Variants in HS6ST3 observed in about 807,000 individuals in gnomAD.
HS6ST3 encodes the protein heparan sulfate 6-O-sulfotransferase 3.
In HS6ST3, 12 loss-of-function variants were observed where a neutral mutation model predicts 36.7. The ratio of observed to expected loss-of-function variants is 0.33; its 90% CI spans 0.21 to 0.53. The LOEUF is 0.53. Among genes scored for constraint, HS6ST3 ranks in the 20% least tolerant of loss-of-function variants. The pLI, the probability that HS6ST3 is intolerant of heterozygous loss-of-function variation, is 0.95. For missense variants in HS6ST3, 584 were observed against 640.9 expected (o/e 0.91, Z 0.96); for synonymous variants, 240 against 257.5 (o/e 0.93, Z 0.65).
At chr13:96,523,570 A>G (rs1373032628) in intron 1 of HS6ST3, among the ~76,000 whole-genome samples, 1 of 145,176 alleles carries the variant, frequency 6.9e-6, no homozygotes, top group Admixed American at 6.8e-5. Flanking sequence ...ATTTCCTTTC[A>G]CTCTTTTTTT....
At chr13:96,263,545 C>T (rs748231329) in intron 1 of HS6ST3, among the ~76,000 whole-genome samples, 1 of 152,128 alleles carries the variant, frequency 6.6e-6, no homozygotes, top group Non-Finnish European at 1.5e-5. Context: ...ACCTTTCTGG[C>T]CCTAGCTTTC....
At chr13:96,515,540 C>T (rs779721693) in intron 1 of HS6ST3, among the ~76,000 whole-genome samples, 8 of 152,224 alleles carry the variant, frequency 5.3e-5, no homozygotes, top group Non-Finnish European at 1.0e-4. Flanking sequence ...CATCTTTCTC[C>T]TTTCATCTTA....
intron 1 of HS6ST3, among the ~76,000 whole-genome samples, chr13:96,764,711 T>A (rs1443823324): frequency 6.6e-6 from 1 of 152,184 alleles, no homozygotes; most frequent in Non-Finnish European, 1.5e-5. Context: ...GAGAATGACA[T>A]ATCTGTTCCC....
At chr13:96,553,901 A>G (rs72642759) in intron 1 of HS6ST3, among the ~76,000 whole-genome samples, 4,719 of 152,342 alleles carry the variant, frequency 0.031, 99 homozygotes, top group Non-Finnish European at 0.049. Context: ...GAGAGAAAAG[A>G]ACCAAAGATG....
chr13:96,616,713 A>C (rs1043779009), intron 1 of HS6ST3, among the ~76,000 whole-genome samples: 1 of 152,216 alleles, frequency 6.6e-6, no homozygotes, highest in African/African-American at 2.4e-5. Context: ...ATTATTTTAT[A>C]TCTCTGAGGT....
chr13:96,206,600 C>G (rs2054371616), intron 1 of HS6ST3, among the ~76,000 whole-genome samples: 2 of 152,100 alleles, frequency 1.3e-5, no homozygotes, highest in African/African-American at 4.8e-5. Context: ...GGTGCTGGTA[C>G]AAGAACAGAC....
At chr13:96,681,442 G>A (rs1156331224) in intron 1 of HS6ST3, among the ~76,000 whole-genome samples, 2 of 151,888 alleles carry the variant, frequency 1.3e-5, no homozygotes, top group Non-Finnish European at 2.9e-5. Context: ...CTACCCTCCT[G>A]CTACTGGACT....
chr13:96,249,710 G>C (rs1174907410), intron 1 of HS6ST3, among the ~76,000 whole-genome samples: 3 of 152,006 alleles, frequency 2.0e-5, no homozygotes, highest in Non-Finnish European at 2.9e-5. Flanking sequence ...GTTGCAAAGA[G>C]GTAGAAATAA....
chr13:96,430,963 T>A (rs1287629722), intron 1 of HS6ST3, among the ~76,000 whole-genome samples: 2 of 152,022 alleles, frequency 1.3e-5, no homozygotes, highest in African/African-American at 4.8e-5. Context: ...TAGGCCCAGG[T>A]ACCCTGGGGC....
chr13:96,309,610 G>C (rs567349843), intron 1 of HS6ST3, among the ~76,000 whole-genome samples: 1 of 152,242 alleles, frequency 6.6e-6, no homozygotes, highest in East Asian at 1.9e-4. Context: ...TCCAGAGAGA[G>C]AGAATCAAAG....
chr13:96,111,882 A>G (rs998757713), intron 1 of HS6ST3, among the ~76,000 whole-genome samples: 1 of 152,210 alleles, frequency 6.6e-6, no homozygotes, highest in Non-Finnish European at 1.5e-5. Flanking sequence ...TGTTTTCTGA[A>G]TGGAAGAAAC....
intron 1 of HS6ST3, among the ~76,000 whole-genome samples, chr13:96,112,578 AATATATATATATATATAT>A (rs59107741): frequency 0.23 from 18,381 of 81,292 alleles, 4,171 homozygotes; most frequent in Middle Eastern, 0.33. Context: ...AAAATAAATA[AATATATATATATATATAT>A]ATATATATAT....
intron 1 of HS6ST3, among the ~76,000 whole-genome samples, chr13:96,464,221 C>A (rs1196862864): frequency 1.3e-5 from 2 of 148,152 alleles, no homozygotes; most frequent in Non-Finnish European, 3.0e-5. Context: ...AACCCCTCAT[C>A]ATGATGATTG....
At chr13:96,387,633 C>A (rs901115593) in intron 1 of HS6ST3, among the ~76,000 whole-genome samples, 7 of 152,136 alleles carry the variant, frequency 4.6e-5, no homozygotes, top group African/African-American at 1.7e-4. Context: ...TTGCTTTGTA[C>A]TTCATTATTC....
At chr13:96,788,870 A>G (rs190607325) in intron 1 of HS6ST3, among the ~76,000 whole-genome samples, 3 of 151,978 alleles carry the variant, frequency 2.0e-5, no homozygotes, top group East Asian at 1.9e-4. Flanking sequence ...TAGTGTTTGC[A>G]TGAGTAACAT....
rs1185993755 is a variant in HS6ST3, at chr13:96,838,256, C to A, written c.*5058C>A. The stretch of plus-strand genomic sequence containing the variant: ...CAGTCTCTGTCCTCTAGAACTAGGG[C>A]AGCCTGGAAACATATGGACTATAAT... On this transcript the variant is annotated 3_prime_UTR_variant, in exon 2 of 2. Transcript: ENST00000376705. 1 of 152,030 alleles carries A rather than the reference C, an allele frequency of 6.6e-6. No homozygotes were observed. The highest frequency in any genetic ancestry group is 1.5e-5 in the Non-Finnish European group (1 of 68,008). The allele number at this position is 152,030 out of a possible 1,614,324, so 9.4% of individuals were successfully genotyped here.
At position 96,524,061 on chromosome 13, in the gene HS6ST3, G is replaced by A. The variant is rs542518617; in HGVS notation, c.708-308429G>A. On this transcript the variant is annotated intron_variant, in intron 1 of 1. Coordinates refer to ENST00000376705, the MANE Select transcript of HS6ST3 (RefSeq NM_153456.4). Reference sequence around the variant, plus strand: ...GGGTTTTGGTGTGGATGTCCTTCTTGTTGATGTTGATGCTATTCCTTTCTG... The same window carrying A: ...GGGTTTTGGTGTGGATGTCCTTCTTATTGATGTTGATGCTATTCCTTTCTG... Among the ~76,000 whole-genome samples, 6 of 152,286 alleles carry A rather than the reference G, an allele frequency of 3.9e-5. No individual in the cohort carries two copies. The South Asian group carries it at 1.2e-3, about 32-fold the overall frequency.
At chr13:96,112,592 T>TATATATAC (rs2053875040) in intron 1 of HS6ST3, among the ~76,000 whole-genome samples, 1 of 61,720 alleles carries the variant, frequency 1.6e-5, no homozygotes, top group Non-Finnish European at 3.6e-5. Context: ...TATATATATA[T>TATATATAC]ATATATATAT....
At chr13:96,773,732 G>A (rs537834927) in intron 1 of HS6ST3, among the ~76,000 whole-genome samples, 1 of 152,272 alleles carries the variant, frequency 6.6e-6, no homozygotes, top group Non-Finnish European at 1.5e-5. Flanking sequence ...CTGGGGGAAG[G>A]GGCAGCTGTG....
Sources: gnomAD v4.1 joint callset for allele counts (sites outside exome capture counted in the v4.1 genomes callset) on GRCh38, gnomAD v4.1.1 for gene constraint, MANE v1.5 for transcripts, NCBI Gene and HGNC (gene_info 2026-07-23, HGNC 2026-07-21) for gene names.